Variants in RIMS1 observed in about 807,000 individuals in gnomAD.
The protein encoded by RIMS1 is regulating synaptic membrane exocytosis 1, also known as regulating synaptic membrane exocytosis protein 1.
RIMS1 carries 83 observed loss-of-function variants against 214.1 expected under a neutral mutation model. The ratio of observed to expected loss-of-function variants is 0.39; its 90% CI spans 0.32 to 0.47. The LOEUF is 0.47. Among genes scored for constraint, RIMS1 ranks in the 20% least tolerant of loss-of-function variants. The pLI, the probability that RIMS1 is intolerant of heterozygous loss-of-function variation, is 0.99. For missense variants in RIMS1, 2,050 were observed against 2,161.8 expected, an observed-to-expected ratio of 0.95 and a Z score of 1.03; for synonymous variants, 793 against 786.8, an observed-to-expected ratio of 1.01 and a Z score of -0.13.
At chr6:72,006,682 G>T (rs185777104) in intron 2 of RIMS1, among the ~76,000 whole-genome samples, 17 of 152,320 alleles carry the variant, frequency 1.1e-4, no homozygotes, top group African/African-American at 4.1e-4. Context: ...ATTATATCCC[G>T]TGCCTGGCTC....
At chr6:71,944,311 A>G (rs1162559567) in intron 1 of RIMS1, among the ~76,000 whole-genome samples, 1 of 152,182 alleles carries the variant, frequency 6.6e-6, no homozygotes, top group Non-Finnish European at 1.5e-5. Flanking sequence ...ATTGTTAGAA[A>G]ATAGATGTAT....
At chr6:72,193,337 A>T (rs2050358124) in intron 6 of RIMS1, among the ~76,000 whole-genome samples, 1 of 152,208 alleles carries the variant, frequency 6.6e-6, no homozygotes, top group Non-Finnish European at 1.5e-5. Context: ...ACGCTCATTT[A>T]TCTGATAAAG....
chr6:72,238,010 T>TATAC (rs1178584884), intron 9 of RIMS1, 88 bp downstream of exon 9: 4 of 733,444 alleles, frequency 5.5e-6, no homozygotes, highest in East Asian at 2.6e-5. Flanking sequence ...TAGTTTTATA[T>TATAC]ATACATACAT....
intron 15 of RIMS1, among the ~76,000 whole-genome samples, chr6:72,252,379 T>C (rs910274822): frequency 3.3e-5 from 5 of 152,120 alleles, no homozygotes; most frequent in African/African-American, 9.7e-5. Flanking sequence ...AGCCAAGAAA[T>C]GTCTCTGAAC....
At chr6:72,240,198 A>C (rs1024228146) in intron 9 of RIMS1, among the ~76,000 whole-genome samples, 2 of 152,170 alleles carry the variant, frequency 1.3e-5, no homozygotes, top group Non-Finnish European at 2.9e-5. Flanking sequence ...AATGTAAAAA[A>C]AGCATTATGG....
chr6:72,095,214 C>A (rs1056932546), intron 2 of RIMS1, among the ~76,000 whole-genome samples: 9 of 150,254 alleles, frequency 6.0e-5, no homozygotes, highest in South Asian at 2.1e-4. Context: ...CCGCCTGCCT[C>A]GGCCTCCCAA....
At chr6:71,957,876 T>G (rs1791756943) in intron 1 of RIMS1, among the ~76,000 whole-genome samples, 1 of 142,036 alleles carries the variant, frequency 7.0e-6, no homozygotes, top group African/African-American at 3.1e-5. Context: ...TATCTGTATT[T>G]GGATATAATT....
At chr6:72,287,316 A>G (rs549208716) in intron 24 of RIMS1, among the ~76,000 whole-genome samples, 74 of 152,322 alleles carry the variant, frequency 4.9e-4, no homozygotes, top group Non-Finnish European at 9.8e-4. Context: ...CCATTCTTTA[A>G]CAAGTTGTTT....
chr6:72,253,017 A>G (rs1046263532), intron 16 of RIMS1, among the ~76,000 whole-genome samples, 185 bp downstream of exon 16: 6 of 152,178 alleles, frequency 3.9e-5, no homozygotes, highest in Admixed American at 3.3e-4. Context: ...AGTCTCTACT[A>G]ATTAGCATTC....
intron 23 of RIMS1, among the ~76,000 whole-genome samples, chr6:72,280,181 A>G (rs1289895230): frequency 6.6e-6 from 1 of 151,962 alleles, no homozygotes; most frequent in Admixed American, 6.6e-5. Flanking sequence ...TCAACAAATA[A>G]TTATTGAGCA....
At chr6:71,901,428 A>G (rs1486582324) in intron 1 of RIMS1, among the ~76,000 whole-genome samples, 1 of 152,180 alleles carries the variant, frequency 6.6e-6, no homozygotes, top group East Asian at 1.9e-4. Context: ...TCACTATTCC[A>G]CAATAAACAG....
intron 19 of RIMS1, chr6:72,261,361 T>A (rs2077918745): frequency 1.0e-6 from 1 of 988,112 alleles, no homozygotes; most frequent in African/African-American, 1.7e-5. Context: ...AGTACAAACT[T>A]TCCCACAAAG....
intron 2 of RIMS1, among the ~76,000 whole-genome samples, chr6:72,068,783 C>T (rs1477005582): frequency 2.0e-5 from 3 of 151,790 alleles, no homozygotes; most frequent in East Asian, 1.9e-4. Context: ...TGGTGGCGGG[C>T]GCCTGTAGTC....
chr6:71,917,588 T>G lies in RIMS1; in HGVS notation c.164+30401T>G, dbSNP rs1357303234. On this transcript the variant is annotated intron_variant, in intron 1 of 33. Coordinates refer to ENST00000521978, the MANE Select transcript of RIMS1 (RefSeq NM_014989.7). ...CACCTAGGGCTTGGTTGGACAAAATTTTCAGCAAGGAATTATAAATTCTAA... is the reference window on the plus strand; with the variant it reads ...CACCTAGGGCTTGGTTGGACAAAATGTTCAGCAAGGAATTATAAATTCTAA... Among the ~76,000 whole-genome samples the G allele has an allele frequency of 2.0e-5, 3 of 152,126 alleles. No homozygotes were observed. In the East Asian group the frequency reaches 5.8e-4, roughly 29 times the overall value.
intron 29 of RIMS1, among the ~76,000 whole-genome samples, chr6:72,362,443 T>G (rs534865649): frequency 1.3e-5 from 2 of 152,170 alleles, no homozygotes; most frequent in African/African-American, 4.8e-5. Flanking sequence ...GTCGGAATTT[T>G]GTGGAAAGCC....
chr6:72,278,300 A>G (rs568328309), intron 23 of RIMS1, among the ~76,000 whole-genome samples: 18 of 152,146 alleles, frequency 1.2e-4, no homozygotes, highest in Non-Finnish European at 2.5e-4. Context: ...TCAATTAAGT[A>G]AAGCATCCCA....
intron 2 of RIMS1, among the ~76,000 whole-genome samples, chr6:71,994,102 A>G (rs1453682706): frequency 4.6e-5 from 7 of 152,216 alleles, no homozygotes; most frequent in African/African-American, 1.2e-4. Context: ...TGTTTTATCA[A>G]GACAGCTCGT....
chr6:72,128,228 T>G, intron 4 of RIMS1, among the ~76,000 whole-genome samples: 1 of 152,208 alleles, frequency 6.6e-6, no homozygotes, highest in Middle Eastern at 3.4e-3. Context: ...CTGGCAAAAG[T>G]CTTATTTAAC....
chr6:72,214,581 TAAAC>T (rs1333145297), intron 6 of RIMS1, among the ~76,000 whole-genome samples: 50 of 152,220 alleles, frequency 3.3e-4, no homozygotes, highest in African/African-American at 1.2e-3. Context: ...TACTGGATAA[TAAAC>T]AAGAGAAAAG....
Sources: gnomAD v4.1 joint callset for allele counts (sites outside exome capture counted in the v4.1 genomes callset) on GRCh38, gnomAD v4.1.1 for gene constraint, MANE v1.5 for transcripts, NCBI Gene and HGNC (gene_info 2026-07-23, HGNC 2026-07-21) for gene names.